The following NRXN3 variants were observed in gnomAD, a reference collection of about 807,000 sequenced individuals.
NRXN3 encodes the protein neurexin 3, also known as neurexin III.
NRXN3 carries 32 observed loss-of-function variants against 137.6 expected under a neutral mutation model. The ratio of observed to expected loss-of-function variants is 0.23; its 90% CI spans 0.18 to 0.31. The LOEUF (loss-of-function observed/expected upper bound fraction) is 0.31. NRXN3 is among the 10% of genes least tolerant of loss of function. The probability of loss-of-function intolerance (pLI) is 1.00; values close to 1 mark genes in which losing one functional copy is unlikely to be tolerated. For synonymous variants in NRXN3, 798 were observed against 784.5 expected (o/e 1.02, Z -0.29); for missense variants, 1,574 against 2,062.5 (o/e 0.76, Z 4.59).
Position 79,557,280 on chromosome 14 carries a change from G to A in NRXN3, c.3444+89878G>A, listed in dbSNP as rs185425635. Among the ~76,000 whole-genome samples, 504 of 147,790 alleles carry A rather than the reference G, an allele frequency of 3.4e-3. 3 individuals are homozygous for A. Among genetic ancestry groups the A allele is most frequent in the Non-Finnish European group, 4.3e-3 (289 of 67,050 alleles). On this transcript the variant is annotated intron_variant, in intron 16 of 20. Transcript: ENST00000335750. ...GGCTGCTGTAGCACAATACCTTAGCGTGAGCAAAGGAAGTTAAAGACCACC... is the reference window on the plus strand; with the variant it reads ...GGCTGCTGTAGCACAATACCTTAGCATGAGCAAAGGAAGTTAAAGACCACC...
At chr14:78,366,262 G>T (rs2085927407) in intron 4 of NRXN3, among the ~76,000 whole-genome samples, 1 of 152,160 alleles carries the variant, frequency 6.6e-6, no homozygotes, top group African/African-American at 2.4e-5. Flanking sequence ...CATTTCCCAT[G>T]CAGGTTACCT....
intron 15 of NRXN3, among the ~76,000 whole-genome samples, chr14:79,051,296 A>G (rs552792248): frequency 5.3e-4 from 81 of 152,300 alleles, no homozygotes; most frequent in African/African-American, 1.9e-3. Context: ...TACTAAATGG[A>G]CAATTGTCAC....
intron 4 of NRXN3, among the ~76,000 whole-genome samples, chr14:78,312,485 G>T (rs1168028539): frequency 6.6e-6 from 1 of 152,166 alleles, no homozygotes; most frequent in African/African-American, 2.4e-5. Context: ...ATTCACCAGG[G>T]ACTGATTTAC....
chr14:79,675,851 G>A (rs906723423), intron 17 of NRXN3, among the ~76,000 whole-genome samples: 1 of 152,006 alleles, frequency 6.6e-6, no homozygotes, highest in African/African-American at 2.4e-5. Context: ...CTTTACTTCT[G>A]TTACTTCTAC....
intron 10 of NRXN3, among the ~76,000 whole-genome samples, chr14:78,859,880 T>C (rs1355757628): frequency 2.0e-5 from 3 of 152,142 alleles, no homozygotes; most frequent in Admixed American, 6.6e-5. Context: ...CTCTCACTTT[T>C]ATCCTCTCCC....
intron 4 of NRXN3, among the ~76,000 whole-genome samples, chr14:78,412,628 C>T (rs1459841450): frequency 6.6e-6 from 1 of 152,176 alleles, no homozygotes; most frequent in East Asian, 1.9e-4. Context: ...TACCCAAGGT[C>T]ACCCAGCCAG....
At chr14:79,341,990 C>A (rs1025029572) in intron 15 of NRXN3, among the ~76,000 whole-genome samples, 5 of 152,136 alleles carry the variant, frequency 3.3e-5, no homozygotes, top group Admixed American at 3.3e-4. Flanking sequence ...TTGTTTGGAA[C>A]CCTGGTTTAA....
intron 8 of NRXN3, among the ~76,000 whole-genome samples, chr14:78,738,610 A>C (rs753536342): frequency 6.6e-6 from 1 of 152,316 alleles, no homozygotes; most frequent in African/African-American, 2.4e-5. Flanking sequence ...GCACTGGCCT[A>C]TTTTAGGGAA....
chr14:78,412,678 T>G (rs931734397), intron 4 of NRXN3, among the ~76,000 whole-genome samples: 1 of 152,180 alleles, frequency 6.6e-6, no homozygotes, highest in African/African-American at 2.4e-5. Flanking sequence ...GTCACGTGAC[T>G]TCAGAGCTTG....
At chr14:79,704,510 A>G (rs1282215881) in intron 19 of NRXN3, among the ~76,000 whole-genome samples, 1 of 152,160 alleles carries the variant, frequency 6.6e-6, no homozygotes, top group Non-Finnish European at 1.5e-5. Flanking sequence ...CACAGTTTTC[A>G]TCTCCTTGCT....
chr14:79,545,531 A>G (rs949355634), intron 16 of NRXN3, among the ~76,000 whole-genome samples: 6 of 152,172 alleles, frequency 3.9e-5, no homozygotes, highest in African/African-American at 1.4e-4. Flanking sequence ...TTTTAAGATC[A>G]ACTGATTAGC....
At chr14:79,367,135 C>A (rs1023990236) in intron 15 of NRXN3, among the ~76,000 whole-genome samples, 11 of 152,042 alleles carry the variant, frequency 7.2e-5, no homozygotes, top group African/African-American at 2.7e-4. Context: ...AGGCGTCCAC[C>A]ACCACGCCTA....
At chr14:78,888,574 AGT>A (rs2099150105) in intron 10 of NRXN3, among the ~76,000 whole-genome samples, 1 of 152,166 alleles carries the variant, frequency 6.6e-6, no homozygotes, top group Admixed American at 6.6e-5. Flanking sequence ...AGTGCCGAGC[AGT>A]GTGTTACTTT....
intron 16 of NRXN3, among the ~76,000 whole-genome samples, chr14:79,561,872 G>T (rs1017858090): frequency 6.6e-5 from 10 of 152,140 alleles, no homozygotes; most frequent in African/African-American, 2.4e-4. Flanking sequence ...TTTTGTTCAT[G>T]CTAATTACTC....
intron 16 of NRXN3, among the ~76,000 whole-genome samples, chr14:79,626,387 C>A (rs966093358): frequency 6.6e-6 from 1 of 151,772 alleles, no homozygotes; most frequent in African/African-American, 2.4e-5. Flanking sequence ...TTCATTGGTT[C>A]ATGTCTTCAT....
chr14:79,228,980 G>T (rs2071605801), intron 15 of NRXN3, among the ~76,000 whole-genome samples: 1 of 152,068 alleles, frequency 6.6e-6, no homozygotes, highest in Admixed American at 6.6e-5. Flanking sequence ...GAGATCATTG[G>T]TTACAACCTC....
chr14:78,444,481 C>A (rs2094354785), intron 4 of NRXN3, among the ~76,000 whole-genome samples: 1 of 152,214 alleles, frequency 6.6e-6, no homozygotes, highest in Admixed American at 6.5e-5. Context: ...AGAACAGAAT[C>A]TACAGCCCCT....
intron 16 of NRXN3, among the ~76,000 whole-genome samples, chr14:79,576,093 T>C (rs1220791513): frequency 6.6e-6 from 1 of 152,210 alleles, no homozygotes; most frequent in Non-Finnish European, 1.5e-5. Flanking sequence ...TCTCTGGCTG[T>C]TGGGATGGCG....
At chr14:78,240,591 G>A (rs192338376) in intron 1 of NRXN3, among the ~76,000 whole-genome samples, 3 of 152,270 alleles carry the variant, frequency 2.0e-5, no homozygotes, top group Admixed American at 6.5e-5. Context: ...TAAGCTCCCC[G>A]TTAAAACCCA....
Sources: allele counts gnomAD v4.1 joint callset (sites outside exome capture counted in the v4.1 genomes callset), GRCh38; gene constraint gnomAD v4.1.1; transcripts MANE v1.5; gene names NCBI Gene and HGNC (gene_info 2026-07-23, HGNC 2026-07-21).